AKR7A3: variants seen among roughly 807,000 people sequenced by gnomAD.
AKR7A3 encodes the protein AFB1 aldehyde reductase 2.
Under a neutral mutation model 32.5 loss-of-function variants are expected in AKR7A3, and 37 were observed. The ratio of observed to expected loss-of-function variants is 1.14; its 90% CI spans 0.88 to 1.50. The LOEUF (loss-of-function observed/expected upper bound fraction) is 1.50. Among genes scored for constraint, AKR7A3 ranks in the 40% most tolerant of loss-of-function variants. AKR7A3 has a pLI of 0.00. For synonymous variants in AKR7A3, 177 were observed against 188.4 expected, an observed-to-expected ratio of 0.94 and a Z score of 0.50; for missense variants, 412 against 453.2, an observed-to-expected ratio of 0.91 and a Z score of 0.83.
chr1:19,282,877 C>T lies in AKR7A3; in HGVS notation c.850G>A (p.Ala284Thr), dbSNP rs766929078. The change falls in exon 7 of 7, where the codon GCG becomes ACG. Residue 284 changes from alanine (A) to threonine (T), a missense_variant. Transcript: ENST00000361640. Reference protein sequence around the residue: ...HSQLQGAHGDAVILGMSSLEQ... With the variant: ...HSQLQGAHGDTVILGMSSLEQ... ...AGGCTGGACATGCCCAGGATGACCG[C>T]GTCCCCGTGGGCACCCTGCAAGGGA... is the stretch of plus-strand genomic sequence containing the variant. The T allele has an allele frequency of 9.3e-6, 15 of 1,612,546 alleles. No homozygotes were observed. The highest frequency in any genetic ancestry group is 2.2e-5 in the South Asian group (2 of 91,008).
the AKR7A3 span, among the ~76,000 whole-genome samples, chr1:19,277,122 G>C: frequency 6.6e-6 from 1 of 150,638 alleles, no homozygotes; most frequent in Non-Finnish European, 1.5e-5. Flanking sequence ...TCAAAAAAAA[G>C]AAAAGAAAAA....
At chr1:19,281,353 G>A (rs866364189), downstream of AKR7A3, among the ~76,000 whole-genome samples, 12 of 151,936 alleles carry the variant, frequency 7.9e-5, 2 homozygotes, top group African/African-American at 2.4e-4. Context: ...TCAAAAAAAA[G>A]CTGGCTGGGT....
downstream of AKR7A3, among the ~76,000 whole-genome samples, chr1:19,279,947 C>T (rs1325771873): frequency 6.6e-6 from 1 of 151,082 alleles, no homozygotes; most frequent in Non-Finnish European, 1.5e-5. Flanking sequence ...TTAAGTTCAT[C>T]AGCCATCGTT....
rs373150804 is a variant in AKR7A3 at position 19,286,156 on chromosome 1, C to T, written c.402+29G>A. ...CAGGATAAGGAGAGCAGCAGTGGAC[C>T]ACCTCCCAGAGCTCAGGGGTCCCCT... is the stretch of plus-strand genomic sequence containing the variant. On this transcript the variant is annotated intron_variant, in intron 2 of 6. Coordinates refer to ENST00000361640, the MANE Select transcript of AKR7A3 (RefSeq NM_012067.3). 2.0e-3 allele frequency: 3,238 copies of T among 1,609,652 alleles called. 15 individuals carry two copies. Among genetic ancestry groups the T allele is most frequent in the Non-Finnish European group, 2.4e-3 (2,874 of 1,178,194 alleles).
At chr1:19,278,040 C>A (rs1192742466), downstream of AKR7A3, among the ~76,000 whole-genome samples, 3 of 151,828 alleles carry the variant, frequency 2.0e-5, no homozygotes, top group Non-Finnish European at 2.9e-5. Context: ...GAAACCACTG[C>A]CTAATCCAAA....
chr1:19,277,084 AG>A, the AKR7A3 span, among the ~76,000 whole-genome samples: 1 of 151,934 alleles, frequency 6.6e-6, no homozygotes, highest in Admixed American at 6.5e-5. Context: ...ACTGCACTAC[AG>A]CCTGGGCAAC....
At chr1:19,280,524 C>T (rs1224346053), downstream of AKR7A3, among the ~76,000 whole-genome samples, 1 of 151,790 alleles carries the variant, frequency 6.6e-6, no homozygotes, top group Non-Finnish European at 1.5e-5. Context: ...CATTCTCTTA[C>T]TTGCAAATAT....
chr1:19,276,583 C>G, the AKR7A3 span, among the ~76,000 whole-genome samples: 1 of 151,484 alleles, frequency 6.6e-6, no homozygotes, highest in Non-Finnish European at 1.5e-5. Flanking sequence ...AGGCAGATCA[C>G]TTGAGGTCAG....
chr1:19,279,311 G>C (rs79697752), downstream of AKR7A3, among the ~76,000 whole-genome samples: 1 of 151,850 alleles, frequency 6.6e-6, no homozygotes, highest in South Asian at 2.1e-4. Context: ...ACCACATTTT[G>C]TTTATCCTTT....
chr1:19,286,072 G>A (rs954114535), intron 2 of AKR7A3, 80 bp from the exon 3 acceptor site: 2 of 1,593,746 alleles, frequency 1.3e-6, no homozygotes, highest in African/African-American at 2.7e-5. Flanking sequence ...CCTGGGAGTT[G>A]GGCTGTTCCC....
chr1:19,274,409 C>T, the AKR7A3 span, among the ~76,000 whole-genome samples: 1 of 152,020 alleles, frequency 6.6e-6, no homozygotes, highest in Non-Finnish European at 1.5e-5. Flanking sequence ...GGACTCCTCC[C>T]TGCCCCGTCG....
At chr1:19,278,750 T>C (rs1338558651), downstream of AKR7A3, among the ~76,000 whole-genome samples, 5 of 151,812 alleles carry the variant, frequency 3.3e-5, no homozygotes. Context: ...CTGTACTTAT[T>C]AGCAGTGAAT....
chr1:19,284,756 C>T lies in AKR7A3; in HGVS notation c.634G>A (p.Glu212Lys). The change falls in exon 5 of 7, where the codon GAG becomes AAG. Residue 212 changes from glutamate (E) to lysine (K), a missense_variant. Physicochemically the swap from Glu to Lys is moderately conservative, Grantham distance 56 (BLOSUM62 1). Transcript: ENST00000361640. ...GGLLTGKYKY[E>K]DKNGKQPVGR... is the part of the protein sequence containing the mutation. ...ACGGGCTGTTTCCCATTCTTGTCCTCATACTTGTACTTGCCGGTCAGCAGG... is the reference window on the plus strand; with the variant it reads ...ACGGGCTGTTTCCCATTCTTGTCCTTATACTTGTACTTGCCGGTCAGCAGG... 6.2e-7 allele frequency: 1 copy of T among 1,613,868 alleles called. No homozygotes were observed. The highest frequency in any genetic ancestry group is 8.5e-7 in the Non-Finnish European group (1 of 1,179,988).
At chr1:19,286,507 C>A in intron 1 of AKR7A3, 135 bp from the exon 2 acceptor site, 1 of 883,262 alleles carries the variant, frequency 1.1e-6, no homozygotes, top group Non-Finnish European at 1.7e-6. Context: ...TGGTGAAACC[C>A]CATCTCTAAT....
chr1:19,286,077 G>A (rs2093729246), intron 2 of AKR7A3, 85 bp from the exon 3 acceptor site: 5 of 1,591,100 alleles, frequency 3.1e-6, no homozygotes, highest in Middle Eastern at 1.7e-4. Context: ...GAGTTGGGCT[G>A]TTCCCTGCTC....
At chr1:19,274,899 C>CAAAAAAAAAAAAAAAAAAAAAAAAAA in the AKR7A3 span, among the ~76,000 whole-genome samples, 59 of 44,258 alleles carry the variant, frequency 1.3e-3, 2 homozygotes, top group Middle Eastern at 0.019. Flanking sequence ...TCTCTAAATA[C>CAAAAAAAAAAAAAAAAAAAAAAAAAA]AAAAAAAAAA....
At chr1:19,278,182 G>C (rs531003505), downstream of AKR7A3, among the ~76,000 whole-genome samples, 3 of 151,942 alleles carry the variant, frequency 2.0e-5, no homozygotes, top group East Asian at 5.8e-4. Context: ...GGGTTCAAGA[G>C]ATTCCCCTTG....
intron 6 of AKR7A3, among the ~76,000 whole-genome samples, 168 bp downstream of exon 6, chr1:19,283,828 C>T (rs1001912627): frequency 7.0e-6 from 1 of 142,934 alleles, no homozygotes; most frequent in Non-Finnish European, 1.6e-5. Flanking sequence ...GAGACTCTGT[C>T]CCCCCAAAAA....
the AKR7A3 span, among the ~76,000 whole-genome samples, chr1:19,277,064 A>T: frequency 6.6e-6 from 1 of 151,912 alleles, no homozygotes; most frequent in African/African-American, 2.4e-5. Flanking sequence ...CAGTGAGCCG[A>T]GGTTGCACCA....
Sources: gnomAD v4.1 joint callset for allele counts (sites outside exome capture counted in the v4.1 genomes callset) on GRCh38, gnomAD v4.1.1 for gene constraint, MANE v1.5 for transcripts, NCBI Gene and HGNC (gene_info 2026-07-23, HGNC 2026-07-21) for gene names.